CLEC16A: variants seen among roughly 807,000 people sequenced by gnomAD.
CLEC16A encodes the protein protein CLEC16A.
In CLEC16A, 51 loss-of-function variants were observed where a neutral mutation model predicts 109.5. The observed-to-expected ratio is 0.47, with a 90% CI of 0.37 to 0.59. The LOEUF (loss-of-function observed/expected upper bound fraction) is 0.59, where lower values mean the gene tolerates loss of function less well. CLEC16A is among the 20% of genes least tolerant of loss of function. The pLI, the probability that CLEC16A is intolerant of heterozygous loss-of-function variation, is 0.00. For synonymous variants in CLEC16A, 673 were observed against 564.2 expected (o/e 1.19, Z -2.73); for missense variants, 1,339 against 1,394.0 (o/e 0.96, Z 0.63).
At chr16:11,042,228 A>G in intron 14 of CLEC16A, 26 bp from the exon 15 acceptor site, 1 of 1,542,790 alleles carries the variant, frequency 6.5e-7, no homozygotes, top group East Asian at 2.4e-5. Context: ...CTGGGTGTGC[A>G]AGGCTTACCC....
In CLEC16A at chr16:11,157,266, G is replaced by T. The variant is rs147287601; in HGVS notation, c.2642-9122G>T. On this transcript the variant is annotated intron_variant, in intron 22 of 23. Coordinates refer to ENST00000409790, the MANE Select transcript of CLEC16A (RefSeq NM_015226.3). ...GTCAGTGATCAGTGATGTGGGGGTC[G>T]CCCATGGTGGCAGCTCAGGCTTGGC... The T allele has an allele frequency of 3.7e-5, 43 of 1,174,894 alleles. No individual in the cohort carries two copies. In the African/African-American group the frequency reaches 5.6e-4, roughly 15 times the overall value. 72.8% of individuals were successfully genotyped at this position (1,174,894 alleles called of 1,614,324 possible).
Position 11,173,046 on chromosome 16 carries a change from C to A in CLEC16A, c.2807-5289C>A, listed in dbSNP as rs1033467268. Among the ~76,000 whole-genome samples, 7 of 152,248 alleles carry A rather than the reference C, an allele frequency of 4.6e-5. No individual in the cohort carries two copies. In the East Asian group the frequency reaches 1.4e-3, roughly 29 times the overall value. Reference sequence around the variant, plus strand: ...CCTCCCATCTGGACCCACCCCTGTGCCTGTGTCCAAGAGAGCCCCCTTCAC... The same window carrying A: ...CCTCCCATCTGGACCCACCCCTGTGACTGTGTCCAAGAGAGCCCCCTTCAC... On this transcript the variant is annotated intron_variant, in intron 23 of 23. Transcript: ENST00000409790.
chr16:11,064,858 C>T lies in CLEC16A; in HGVS notation c.2116+3836C>T, dbSNP rs117505627. On this transcript the variant is annotated intron_variant, in intron 19 of 23. Transcript: ENST00000409790. ...ATGAGATCACATGTAAAGCTCACAG[C>T]ACCATGCTTGGCACTTAGTAGGTGC... is the stretch of plus-strand genomic sequence containing the variant. 3.0e-3 allele frequency among the ~76,000 whole-genome samples: 464 copies of T among 152,336 alleles called. 5 individuals are homozygous for T. The highest frequency in any genetic ancestry group is 0.029 in the East Asian group (151 of 5,184).
At chr16:11,078,589 C>T (rs550004152) in intron 19 of CLEC16A, among the ~76,000 whole-genome samples, 18 of 152,342 alleles carry the variant, frequency 1.2e-4, no homozygotes, top group African/African-American at 4.3e-4. Context: ...TCACAGATCC[C>T]TCATGGGTGA....
chr16:11,156,556 C>A (rs7189563), intron 22 of CLEC16A: 822,207 of 1,299,812 alleles, frequency 0.63, 263,334 homozygotes, highest in African/African-American at 0.8. Context: ...ACCCGCCTTC[C>A]TCCTGCTGCC....
chr16:11,102,587 T>G (rs1409549623), intron 19 of CLEC16A, among the ~76,000 whole-genome samples: 1 of 152,204 alleles, frequency 6.6e-6, no homozygotes, highest in African/African-American at 2.4e-5. Flanking sequence ...AAAAGAGGCA[T>G]GTGGTTTAGT....
chr16:11,039,057 T>C (rs982877920), intron 13 of CLEC16A, among the ~76,000 whole-genome samples: 3 of 152,132 alleles, frequency 2.0e-5, no homozygotes, highest in African/African-American at 7.2e-5. Flanking sequence ...CTGGATTTCC[T>C]CAAGCGTAGA....
chr16:11,146,545 T>C (rs546304338), intron 22 of CLEC16A, among the ~76,000 whole-genome samples: 12 of 139,098 alleles, frequency 8.6e-5, no homozygotes, highest in Admixed American at 4.3e-4. Context: ...GATGGATGGG[T>C]ATAGAAGGAT....
At chr16:11,066,003 G>A (rs1446381228) in intron 19 of CLEC16A, among the ~76,000 whole-genome samples, 1 of 152,216 alleles carries the variant, frequency 6.6e-6, no homozygotes, top group African/African-American at 2.4e-5. Context: ...CCTTCGAGCT[G>A]CACTGGGGGC....
At chr16:11,139,364 G>A (rs1245757710) in intron 22 of CLEC16A, among the ~76,000 whole-genome samples, 3 of 152,186 alleles carry the variant, frequency 2.0e-5, no homozygotes, top group African/African-American at 4.8e-5. Flanking sequence ...AGAATCCCAT[G>A]ACTAAAATAC....
At chr16:11,066,430 G>A (rs996369415) in intron 19 of CLEC16A, 1 of 152,536 alleles carries the variant, frequency 6.6e-6, no homozygotes, top group Admixed American at 6.6e-5. Flanking sequence ...GTCATCAGCA[G>A]GGCTGATCCT....
intron 19 of CLEC16A, among the ~76,000 whole-genome samples, chr16:11,062,857 C>G (rs1423014119): frequency 7.9e-6 from 1 of 125,876 alleles, no homozygotes; most frequent in Non-Finnish European, 1.5e-5. Context: ...CAGTCTTTCT[C>G]TGATTTGATT....
In CLEC16A at chr16:11,051,607, G is replaced by A. The variant is rs2047944010; in HGVS notation, c.1961G>A (p.Arg654Gln). The change falls in exon 18 of 24, where the codon CGG becomes CAG. Residue 654 changes from arginine (R) to glutamine (Q), a missense_variant. Coordinates refer to ENST00000409790, the MANE Select transcript of CLEC16A (RefSeq NM_015226.3). ...CTGACGGGCATTGACTTCGTGAAGCGGCTGCCGTGTGGCGATGTGGAGAAG... is the reference window on the plus strand; with the variant it reads ...CTGACGGGCATTGACTTCGTGAAGCAGCTGCCGTGTGGCGATGTGGAGAAG... ...TPLTGIDFVKRLPCGDVEKTR... is the reference protein window; with the variant it reads ...TPLTGIDFVKQLPCGDVEKTR... 6.2e-7 allele frequency: 1 copy of A among 1,613,932 alleles called. No individual in the cohort carries two copies. The highest frequency in any genetic ancestry group is 1.3e-5 in the African/African-American group (1 of 74,952).
chr16:10,994,951 G>A (rs13330041), intron 10 of CLEC16A, among the ~76,000 whole-genome samples: 37,363 of 152,114 alleles, frequency 0.25, 5,058 homozygotes, highest in African/African-American at 0.35. Flanking sequence ...CAGGAAGGTT[G>A]TGCACCTGGG....
Position 11,055,712 on chromosome 16 carries a change from A to G in CLEC16A, c.1995+4071A>G, listed in dbSNP as rs192256710. ...AAGTGATTCTCCTGCCTCAGCCTCT[A>G]CAGTAGCATGAGCCACCACGTCCAG... On this transcript the variant is annotated intron_variant, in intron 18 of 23. Transcript: ENST00000409790. Among the ~76,000 whole-genome samples, 463 of 146,016 alleles carry G rather than the reference A, an allele frequency of 3.2e-3. 5 individuals carry two copies. The highest frequency in any genetic ancestry group is 0.011 in the African/African-American group (426 of 39,338).
intron 22 of CLEC16A, among the ~76,000 whole-genome samples, chr16:11,153,596 G>A (rs2054381754): frequency 6.6e-6 from 1 of 150,466 alleles, no homozygotes; most frequent in African/African-American, 2.5e-5. Context: ...AAAGTTGCCT[G>A]TAATGCAGAA....
At chr16:11,090,048 T>C (rs929726600) in intron 19 of CLEC16A, among the ~76,000 whole-genome samples, 1 of 152,146 alleles carries the variant, frequency 6.6e-6, no homozygotes, top group Non-Finnish European at 1.5e-5. Context: ...TGCTTGGTCG[T>C]TGTTTATTTT....
chr16:11,153,220 A>T (rs1003191088), intron 22 of CLEC16A, among the ~76,000 whole-genome samples: 2 of 152,052 alleles, frequency 1.3e-5, no homozygotes, highest in African/African-American at 4.8e-5. Flanking sequence ...TCCTTCCCCA[A>T]CTGTGCAATT....
At chr16:11,034,822 A>G (rs1282024712) in intron 13 of CLEC16A, among the ~76,000 whole-genome samples, 1 of 152,200 alleles carries the variant, frequency 6.6e-6, no homozygotes, top group African/African-American at 2.4e-5. Flanking sequence ...TCAGAGGGAA[A>G]TGACTGGCAA....
Sources: gnomAD v4.1 joint callset for allele counts (sites outside exome capture counted in the v4.1 genomes callset) on GRCh38, gnomAD v4.1.1 for gene constraint, MANE v1.5 for transcripts, NCBI Gene and HGNC (gene_info 2026-07-23, HGNC 2026-07-21) for gene names.